KIAA1549: variants seen among roughly 807,000 people sequenced by gnomAD.
KIAA1549 encodes the protein UPF0606 protein KIAA1549.
A neutral mutation model predicts 156.4 loss-of-function variants in KIAA1549; 70 were observed. The ratio of observed to expected loss-of-function variants is 0.45; its 90% confidence interval spans 0.37 to 0.55. The LOEUF is 0.55. Ranked by LOEUF, KIAA1549 falls within the 20% of genes least tolerant of loss-of-function variation. KIAA1549 has a pLI of 0.00. For synonymous variants in KIAA1549, 1,103 were observed against 1,066.4 expected, an observed-to-expected ratio of 1.03 and a Z score of -0.67; for missense variants, 2,428 against 2,540.9, an observed-to-expected ratio of 0.96 and a Z score of 0.96.
At chr7:138,965,448 T>C (rs1813991458) in intron 1 of KIAA1549, among the ~76,000 whole-genome samples, 1 of 152,124 alleles carries the variant, frequency 6.6e-6, no homozygotes, top group South Asian at 2.1e-4. Flanking sequence ...ACCTCAGCCT[T>C]CCACAGCGCT....
chr7:138,951,605 C>G (rs1172808463), intron 1 of KIAA1549, among the ~76,000 whole-genome samples: 1 of 152,188 alleles, frequency 6.6e-6, no homozygotes, highest in Non-Finnish European at 1.5e-5. Flanking sequence ...GATGACGACA[C>G]CTGCTTTCCC....
chr7:138,890,003 T>C (rs1350456675), intron 10 of KIAA1549, among the ~76,000 whole-genome samples: 1 of 152,232 alleles, frequency 6.6e-6, no homozygotes, highest in Non-Finnish European at 1.5e-5. Context: ...TTAATCAGTA[T>C]TTTATAAAAG....
At chr7:138,926,290 C>A (rs931789415) in intron 1 of KIAA1549, among the ~76,000 whole-genome samples, 4 of 147,962 alleles carry the variant, frequency 2.7e-5, no homozygotes, top group Non-Finnish European at 4.5e-5. Context: ...TTTTCTTTTT[C>A]TTTTTCTTTT....
intron 18 of KIAA1549, 51 bp from the exon 19 acceptor site, chr7:138,840,329 G>C: frequency 1.9e-6 from 3 of 1,545,960 alleles, no homozygotes; most frequent in Non-Finnish European, 2.6e-6. Flanking sequence ...GGAGAGTATG[G>C]CTGCTGAGGA....
chr7:138,934,756 G>A (rs371546071), intron 1 of KIAA1549, among the ~76,000 whole-genome samples: 5 of 152,324 alleles, frequency 3.3e-5, no homozygotes, highest in East Asian at 3.9e-4. Flanking sequence ...AGGACCCTAT[G>A]TATATGCTAT....
chr7:138,953,793 ATAAAC>A (rs1426032046), intron 1 of KIAA1549, among the ~76,000 whole-genome samples: 5 of 152,240 alleles, frequency 3.3e-5, no homozygotes, highest in African/African-American at 9.6e-5. Flanking sequence ...ACACAATAAA[ATAAAC>A]TAAACAAGCA....
intron 1 of KIAA1549, among the ~76,000 whole-genome samples, chr7:138,980,168 T>C (rs1438461600): frequency 3.9e-5 from 6 of 152,228 alleles, no homozygotes; most frequent in Non-Finnish European, 8.8e-5. Flanking sequence ...CACCCCTAGC[T>C]GCTCCTTCCA....
In KIAA1549 at chr7:138,879,584, C is replaced by T. The variant is rs138549974; in HGVS notation, c.4299G>A (p.Thr1433=). The change falls in exon 12 of 20, where the codon ACG becomes ACA. Residue 1433 remains threonine (T), a synonymous_variant. Coordinates refer to ENST00000422774, the MANE Select transcript of KIAA1549 (RefSeq NM_001164665.2). ...ESSERDAGDK[T]PGAVNDGRSH... ...ACCTGCCATCGTTGACGGCTCCCGG[C>T]GTCTTATCTCCTGCGTCCCTCTCGC... 59 of 1,569,382 alleles carry T rather than the reference C, an allele frequency of 3.8e-5. No homozygotes were observed. Among genetic ancestry groups the T allele is most frequent in the South Asian group, 5.9e-5 (5 of 85,130 alleles).
chr7:138,981,181 C>T lies in KIAA1549; in HGVS notation c.89G>A (p.Arg30Gln), dbSNP rs1584799675. The change falls in exon 1 of 20, where the codon CGA (arginine) becomes CAA (glutamine). Residue 30 changes from arginine (R) to glutamine (Q), a missense_variant. Coordinates refer to ENST00000422774, the MANE Select transcript of KIAA1549 (RefSeq NM_001164665.2). This position sits in a 1 kb window ranked among gnomAD's most constrained non-coding sequence, Gnocchi z 4.5. ...GCGGGCGCAGCGGGCGGAAGGCCGT[C>T]GGCCGCTCGGCCCCGGGGCCAGCGC... ...GVALAPGPSG[R>Q]RPSARCARRR... 4 of 1,124,674 alleles carry T rather than the reference C, an allele frequency of 3.6e-6. No homozygotes were observed. The highest frequency in any genetic ancestry group is 9.1e-5 in the East Asian group (2 of 21,976). The allele number at this position is 1,124,674 out of a possible 1,614,324, so 69.7% of individuals were successfully genotyped here. A position where few individuals can be genotyped will look rare whatever the true frequency, so the allele number is the denominator to read the frequency against.
At chr7:138,943,521 T>C (rs1245234689) in intron 1 of KIAA1549, among the ~76,000 whole-genome samples, 1 of 152,236 alleles carries the variant, frequency 6.6e-6, no homozygotes, top group African/African-American at 2.4e-5. Context: ...GAAATATATA[T>C]ACATTGTGGC....
At chr7:138,958,273 T>C (rs1332039600) in intron 1 of KIAA1549, among the ~76,000 whole-genome samples, 1 of 152,180 alleles carries the variant, frequency 6.6e-6, no homozygotes, top group Non-Finnish European at 1.5e-5. Context: ...CCTTCCACCA[T>C]GGCACCGGAT....
chr7:138,903,838 TGTGTGTGTGTGTGTGCGC>T lies in KIAA1549; in HGVS notation c.3521-120_3521-103del, dbSNP rs1212279212. On this transcript the variant is annotated intron_variant, in intron 7 of 19. Transcript: ENST00000422774. ...GTGTGTGTGTGTGTGTGTGTGTGTG[TGTGTGTGTGTGTGTGCGC>T]GCGCGCGCGCGCGCACATATGTATT... is the stretch of plus-strand genomic sequence containing the variant. 988 of 534,122 alleles carry T rather than the reference TGTGTGTGTGTGTGTGCGC, an allele frequency of 1.8e-3. 16 individuals are homozygous for T. Among genetic ancestry groups the T allele is most frequent in the Middle Eastern group, 0.011 (29 of 2,664 alleles). The allele number at this position is 534,122 out of a possible 1,614,324, so 33.1% of individuals were successfully genotyped here.
At chr7:138,932,076 G>T (rs953458382) in intron 1 of KIAA1549, among the ~76,000 whole-genome samples, 3 of 152,034 alleles carry the variant, frequency 2.0e-5, no homozygotes, top group Non-Finnish European at 2.9e-5. Flanking sequence ...TTTTGTTATG[G>T]GTCTGCAACG....
At position 138,917,853 on chromosome 7, in the gene KIAA1549, A is replaced by G; in HGVS notation, c.1773T>C (p.Pro591=). The G allele has an allele frequency of 6.2e-7, 1 of 1,603,682 alleles. No homozygotes were observed. The highest frequency in any genetic ancestry group is 1.1e-5 in the South Asian group (1 of 88,722). The change falls in exon 2 of 20, where the codon CCT becomes CCC. Residue 591 remains proline (P), a synonymous_variant. Coordinates refer to ENST00000422774, the MANE Select transcript of KIAA1549 (RefSeq NM_001164665.2). ...LAVRDPSVFT[P]YSLVPSVESS... Reference sequence around the variant, plus strand: ...ACTCCACTGAAGGAACCAGACTATAAGGCGTAAAAACACTCGGGTCTCTGA... The same window carrying G: ...ACTCCACTGAAGGAACCAGACTATAGGGCGTAAAAACACTCGGGTCTCTGA...
At position 138,918,267 on chromosome 7, in the gene KIAA1549, C is replaced by T; in HGVS notation, c.1359G>A (p.Met453Ile). 1 of 1,613,954 alleles carries T rather than the reference C, an allele frequency of 6.2e-7. No homozygotes were observed. Among genetic ancestry groups the T allele is most frequent in the Non-Finnish European group, 8.5e-7 (1 of 1,179,884 alleles). ...AGATGCTGCTTTCTTCCAGCACGGT[C>T]ATGCACAGAGTCTCGGCACCATCCC... ...GSGDGAETLC[M>I]TVLEESSISL... The change falls in exon 2 of 20, where the codon ATG (methionine) becomes ATA (isoleucine). Residue 453 changes from methionine (M) to isoleucine (I), a missense_variant. Physicochemically the swap from Met to Ile is conservative, Grantham distance 10. This residue lies in a region of KIAA1549 where 893 missense variants were observed against 847.9 expected (regional missense o/e 1.05). Coordinates refer to ENST00000422774, the MANE Select transcript of KIAA1549 (RefSeq NM_001164665.2). The surrounding 1 kb of genome is among the most constrained non-coding windows in gnomAD (Gnocchi z 4.2).
At position 138,836,285 on chromosome 7, in the gene KIAA1549, T is replaced by C. The variant is rs1291407239; in HGVS notation, c.*1621A>G. Reference sequence around the variant, plus strand: ...TTTTCTATGTTTAGCTATGTTTAGATACACAAATACTTACCATTGTGTTCA... The same window carrying C: ...TTTTCTATGTTTAGCTATGTTTAGACACACAAATACTTACCATTGTGTTCA... On this transcript the variant is annotated 3_prime_UTR_variant, in exon 20 of 20. Transcript: ENST00000422774. 1 of 204,632 alleles carries C rather than the reference T, an allele frequency of 4.9e-6. No homozygotes were observed. Among genetic ancestry groups the C allele is most frequent in the African/African-American group, 2.3e-5 (1 of 43,728 alleles). 12.7% of individuals were successfully genotyped at this position (204,632 alleles called of 1,614,324 possible). A position where few individuals can be genotyped will look rare whatever the true frequency, so the allele number is the denominator to read the frequency against.
chr7:138,875,944 C>CA (rs915184551), intron 12 of KIAA1549, among the ~76,000 whole-genome samples: 2 of 151,532 alleles, frequency 1.3e-5, no homozygotes, highest in African/African-American at 4.8e-5. Context: ...CACAGGCACA[C>CA]ACCACCAGGC....
chr7:138,979,005 T>C (rs958835281), intron 1 of KIAA1549, among the ~76,000 whole-genome samples: 5 of 152,206 alleles, frequency 3.3e-5, no homozygotes, highest in Admixed American at 2.0e-4. Flanking sequence ...CTGCCTTTCC[T>C]GTCCGGGAAT....
intron 17 of KIAA1549, among the ~76,000 whole-genome samples, chr7:138,849,477 T>A (rs1369206947): frequency 6.6e-6 from 1 of 152,148 alleles, no homozygotes; most frequent in Non-Finnish European, 1.5e-5. Flanking sequence ...ATGTTTTGAT[T>A]TCCATTTTGA....
Sources: allele counts gnomAD v4.1 joint callset (sites outside exome capture counted in the v4.1 genomes callset), GRCh38; gene constraint gnomAD v4.1.1; regional missense constraint gnomAD v4.1.1; non-coding constraint Gnocchi (gnomAD v3.1); transcripts MANE v1.5; gene names NCBI Gene and HGNC (gene_info 2026-07-23, HGNC 2026-07-21).